KCNMA1: variants seen among roughly 807,000 people sequenced by gnomAD.
KCNMA1 encodes the protein Calcium-activated potassium channel subunit alpha-1.
A neutral mutation model predicts 140.0 loss-of-function variants in KCNMA1; 29 were observed. The ratio of observed to expected loss-of-function variants is 0.21; its 90% CI spans 0.15 to 0.28. KCNMA1 has a LOEUF of 0.28. Among genes scored for constraint, KCNMA1 ranks in the 10% least tolerant of loss-of-function variants. KCNMA1 has a pLI of 1.00. For missense variants in KCNMA1, 880 were observed against 1,602.2 expected (o/e 0.55, Z 7.70); for synonymous variants, 612 against 611.9 (o/e 1.00, Z 0.00).
chr10:77,163,673 C>T (rs1011228021), intron 5 of KCNMA1, among the ~76,000 whole-genome samples: 1 of 152,146 alleles, frequency 6.6e-6, no homozygotes, highest in Non-Finnish European at 1.5e-5. Context: ...GTGAGGAGAG[C>T]TAAGAAATGG....
rs770007121 is a variant in KCNMA1 at position 77,184,861 on chromosome 10, C to A, written c.658G>T (p.Ala220Ser). ...TAGAGAAGGAAGAACACGTTGAAAG[C>A]CATGTCGATCTGTAATGTGAAATCT... is the stretch of plus-strand genomic sequence containing the variant. ...YKDFTLQIDM[A>S]FNVFFLLYFG... The change falls in exon 4 of 28, where the codon GCT becomes TCT. Residue 220 changes from alanine to serine, a missense_variant. Coordinates refer to ENST00000286628, the MANE Select transcript of KCNMA1 (RefSeq NM_001161352.2). The A allele has an allele frequency of 6.2e-7, 1 of 1,612,874 alleles. No homozygotes were observed. The highest frequency in any genetic ancestry group is 8.5e-7 in the Non-Finnish European group (1 of 1,178,958).
intron 2 of KCNMA1, among the ~76,000 whole-genome samples, chr10:77,251,724 A>C (rs755945146): frequency 6.6e-6 from 1 of 152,224 alleles, no homozygotes; most frequent in African/African-American, 2.4e-5. Flanking sequence ...AGTACAATTC[A>C]TCAATGACTT....
chr10:77,479,897 G>T (rs1215309757), intron 1 of KCNMA1, among the ~76,000 whole-genome samples: 1 of 152,226 alleles, frequency 6.6e-6, no homozygotes, highest in East Asian at 1.9e-4. Context: ...GTTAGCTCCT[G>T]AGGGGGATGA....
chr10:77,079,934 A>G (rs932395002), intron 12 of KCNMA1, among the ~76,000 whole-genome samples: 1 of 152,238 alleles, frequency 6.6e-6, no homozygotes, highest in South Asian at 2.1e-4. Context: ...TCATAGTGAC[A>G]TAACTTTACA....
chr10:76,918,601 A>C (rs2053944615), intron 23 of KCNMA1, among the ~76,000 whole-genome samples: 1 of 152,198 alleles, frequency 6.6e-6, no homozygotes, highest in African/African-American at 2.4e-5. Flanking sequence ...AGATGTTGGC[A>C]TGGATGCGGT....
chr10:77,261,466 A>G (rs574037574), intron 2 of KCNMA1, among the ~76,000 whole-genome samples: 1 of 152,278 alleles, frequency 6.6e-6, no homozygotes, highest in Admixed American at 6.5e-5. Flanking sequence ...CGTGTTCCCC[A>G]AACATCGCAG....
intron 2 of KCNMA1, among the ~76,000 whole-genome samples, chr10:77,311,073 A>C (rs548574353): frequency 3.9e-5 from 6 of 152,296 alleles, no homozygotes; most frequent in Non-Finnish European, 8.8e-5. Flanking sequence ...CTGAAGACCA[A>C]AGTCTGTCCA....
chr10:77,458,798 G>T (rs1390992056), intron 1 of KCNMA1, among the ~76,000 whole-genome samples: 1 of 152,158 alleles, frequency 6.6e-6, no homozygotes, highest in Non-Finnish European at 1.5e-5. Flanking sequence ...AACATGGAAG[G>T]CACCAGCCAC....
At chr10:77,273,167 A>G (rs902728962) in intron 2 of KCNMA1, among the ~76,000 whole-genome samples, 10 of 152,224 alleles carry the variant, frequency 6.6e-5, no homozygotes, top group Non-Finnish European at 1.3e-4. Flanking sequence ...GAAGTAAGCT[A>G]TAGATGTAAA....
intron 29 of KCNMA1, among the ~76,000 whole-genome samples, chr10:76,878,805 C>T (rs1013614541): frequency 6.6e-6 from 1 of 152,134 alleles, no homozygotes; most frequent in African/African-American, 2.4e-5. Context: ...ACTCAACCCT[C>T]ATCCCCACCT....
intron 15 of KCNMA1, among the ~76,000 whole-genome samples, chr10:77,029,328 C>G (rs1032159047): frequency 1.3e-5 from 2 of 152,172 alleles, no homozygotes; most frequent in African/African-American, 4.8e-5. Context: ...TACTGGGTCA[C>G]AGTGTGGGGA....
intron 2 of KCNMA1, among the ~76,000 whole-genome samples, chr10:77,374,661 C>G (rs1020438359): frequency 6.6e-6 from 1 of 152,210 alleles, no homozygotes; most frequent in Non-Finnish European, 1.5e-5. Context: ...AGGATTATTG[C>G]ACTCCTGGGC....
intron 2 of KCNMA1, among the ~76,000 whole-genome samples, chr10:77,338,259 G>A (rs1358890219): frequency 1.3e-5 from 2 of 152,168 alleles, no homozygotes; most frequent in South Asian, 2.1e-4. Context: ...TCTGAGTGAG[G>A]AGCCCCAGAC....
intron 13 of KCNMA1, 124 bp downstream of exon 13, chr10:77,079,357 T>C: frequency 1.4e-6 from 1 of 709,144 alleles, no homozygotes. Context: ...TGCGCACATG[T>C]GGGCATGTGA....
intron 9 of KCNMA1, among the ~76,000 whole-genome samples, chr10:77,100,777 G>A (rs561853892): frequency 1.3e-5 from 2 of 152,238 alleles, no homozygotes; most frequent in South Asian, 2.1e-4. Flanking sequence ...GAATCTACCC[G>A]GCAAGGATTC....
intron 3 of KCNMA1, among the ~76,000 whole-genome samples, chr10:77,227,280 G>A (rs1234671077): frequency 2.0e-5 from 3 of 152,190 alleles, no homozygotes; most frequent in Non-Finnish European, 2.9e-5. Context: ...CTGAATGTCT[G>A]ATTAAACCCA....
At chr10:77,616,532 G>A (rs2089570652) in intron 1 of KCNMA1, among the ~76,000 whole-genome samples, 1 of 152,232 alleles carries the variant, frequency 6.6e-6, no homozygotes, top group Non-Finnish European at 1.5e-5. Context: ...AAGACCGGGT[G>A]CAGTGGCACA....
chr10:77,076,690 C>T (rs1011746060), intron 13 of KCNMA1, among the ~76,000 whole-genome samples: 14 of 152,148 alleles, frequency 9.2e-5, no homozygotes, highest in Admixed American at 5.9e-4. Context: ...GATGGTCCAA[C>T]GAGTACTAAA....
chr10:77,375,971 C>T (rs2154421195), intron 2 of KCNMA1, among the ~76,000 whole-genome samples: 1 of 152,358 alleles, frequency 6.6e-6, no homozygotes, highest in Middle Eastern at 3.4e-3. Context: ...CTCCAGCACA[C>T]TCAACTTCGT....
Sources: allele counts gnomAD v4.1 joint callset (sites outside exome capture counted in the v4.1 genomes callset), GRCh38; gene constraint gnomAD v4.1.1; transcripts MANE v1.5; gene names NCBI Gene and HGNC (gene_info 2026-07-23, HGNC 2026-07-21).